Variants in PTCHD4 observed in about 807,000 individuals in gnomAD.
PTCHD4 encodes patched domain containing 4.
A neutral mutation model predicts 58.1 loss-of-function variants in PTCHD4; 33 were observed. The ratio of observed to expected loss-of-function variants is 0.57; its 90% CI spans 0.43 to 0.76. The LOEUF (loss-of-function observed/expected upper bound fraction) is 0.76. PTCHD4 is among the 30% of genes least tolerant of loss of function. PTCHD4 has a pLI of 0.00. For synonymous variants in PTCHD4, 478 were observed against 409.6 expected (o/e 1.17, Z -2.02); for missense variants, 1,058 against 1,027.1 (o/e 1.03, Z -0.41).
At chr6:47,954,927 C>T (rs1435592637) in intron 4 of PTCHD4, among the ~76,000 whole-genome samples, 1 of 152,120 alleles carries the variant, frequency 6.6e-6, no homozygotes, top group Non-Finnish European at 1.5e-5. Context: ...GGACCAGCCA[C>T]CATGTTGTGA....
At chr6:48,029,806 T>C (rs530347323) in intron 3 of PTCHD4, among the ~76,000 whole-genome samples, 2 of 152,088 alleles carry the variant, frequency 1.3e-5, no homozygotes, top group Non-Finnish European at 2.9e-5. Context: ...TACTTGAAAA[T>C]GATGCATAAA....
chr6:47,952,933 CAT>C (rs1407460045), intron 4 of PTCHD4, among the ~76,000 whole-genome samples: 2 of 151,760 alleles, frequency 1.3e-5, no homozygotes, highest in African/African-American at 2.4e-5. Context: ...AAATATATCA[CAT>C]ATATATGCAG....
Position 48,057,199 on chromosome 6 carries a change from G to GT in PTCHD4, c.417+11030dup, listed in dbSNP as rs952095381. On this transcript the variant is annotated intron_variant, in intron 3 of 4. Transcript: ENST00000339488. ...TTTTTTGTTTTTTTTTGTTTTTTTT[G>GT]TTTTTTTTTTCTGAGCCCAAAGCTG... Among the ~76,000 whole-genome samples, 775 of 140,626 alleles carry GT rather than the reference G, an allele frequency of 5.5e-3. 5 individuals carry two copies. Among genetic ancestry groups the GT allele is most frequent in the African/African-American group, 0.016 (631 of 38,488 alleles). The allele number at this position is 140,626 out of a possible 152,430, so 92.3% of individuals were successfully genotyped here. A position where few individuals can be genotyped will look rare whatever the true frequency, so the allele number is the denominator to read the frequency against.
chr6:47,997,093 C>G (rs1768522961), intron 4 of PTCHD4, among the ~76,000 whole-genome samples: 1 of 152,070 alleles, frequency 6.6e-6, no homozygotes, highest in Non-Finnish European at 1.5e-5. Context: ...AGAATGAAGC[C>G]ATCAATTTAC....
intron 4 of PTCHD4, among the ~76,000 whole-genome samples, chr6:47,956,442 A>AT (rs933564852): frequency 7.7e-4 from 115 of 148,984 alleles, no homozygotes; most frequent in African/African-American, 6.9e-4. Context: ...TTTTATTTTT[A>AT]TTTTTTTTTG....
At chr6:47,998,915 A>C (rs1768605952) in intron 4 of PTCHD4, among the ~76,000 whole-genome samples, 1 of 152,234 alleles carries the variant, frequency 6.6e-6, no homozygotes, top group Non-Finnish European at 1.5e-5. Context: ...GCACATTAAA[A>C]TATCTAAGCT....
At chr6:48,010,987 A>C (rs1224988477) in intron 3 of PTCHD4, among the ~76,000 whole-genome samples, 1 of 152,184 alleles carries the variant, frequency 6.6e-6, no homozygotes, top group Non-Finnish European at 1.5e-5. Context: ...ATGGATAGGC[A>C]TTTAGGTTGG....
At chr6:47,897,146 C>G (rs1298436737) in intron 4 of PTCHD4, among the ~76,000 whole-genome samples, 1 of 152,144 alleles carries the variant, frequency 6.6e-6, no homozygotes, top group Non-Finnish European at 1.5e-5. Flanking sequence ...GACCCCTACT[C>G]CACTTTCATT....
chr6:47,918,050 A>G (rs1371513650), intron 4 of PTCHD4, among the ~76,000 whole-genome samples: 5 of 152,102 alleles, frequency 3.3e-5, no homozygotes, highest in African/African-American at 1.2e-4. Context: ...GCTTCTAAGT[A>G]CGTGTTTTCT....
intron 1 of PTCHD4, among the ~76,000 whole-genome samples, chr6:48,081,224 G>A (rs958197900): frequency 1.3e-5 from 2 of 152,176 alleles, no homozygotes; most frequent in East Asian, 3.9e-4. Flanking sequence ...GATGTAATTT[G>A]GTGATAGATT....
intron 3 of PTCHD4, among the ~76,000 whole-genome samples, chr6:48,025,457 T>G (rs776170585): frequency 6.6e-6 from 1 of 152,196 alleles, no homozygotes. Context: ...TCTCCCTTAT[T>G]GCAACACAGA....
intron 4 of PTCHD4, among the ~76,000 whole-genome samples, chr6:47,881,344 T>C (rs1337548535): frequency 6.6e-6 from 1 of 152,204 alleles, no homozygotes; most frequent in Non-Finnish European, 1.5e-5. Flanking sequence ...TGTACATACT[T>C]GAAAATATTA....
At chr6:48,077,518 A>T (rs1765082777) in intron 1 of PTCHD4, among the ~76,000 whole-genome samples, 1 of 152,196 alleles carries the variant, frequency 6.6e-6, no homozygotes, top group Admixed American at 6.5e-5. Flanking sequence ...CAACCTCATG[A>T]AACAACCTCT....
intron 1 of PTCHD4, among the ~76,000 whole-genome samples, chr6:48,104,642 A>G (rs1057431965): frequency 6.6e-6 from 1 of 152,238 alleles, no homozygotes; most frequent in Non-Finnish European, 1.5e-5. Context: ...CTCCAATTAA[A>G]AGGCACAGAT....
At chr6:47,967,001 T>A (rs1161993658) in intron 4 of PTCHD4, among the ~76,000 whole-genome samples, 2 of 152,194 alleles carry the variant, frequency 1.3e-5, no homozygotes, top group African/African-American at 4.8e-5. Flanking sequence ...TCATGGATGA[T>A]TGTAATGGCA....
At chr6:47,896,060 C>T (rs1217773138) in intron 4 of PTCHD4, among the ~76,000 whole-genome samples, 3 of 152,150 alleles carry the variant, frequency 2.0e-5, no homozygotes, top group African/African-American at 7.2e-5. Flanking sequence ...ACTTGTTAAG[C>T]TCAAAAGCAG....
rs1315456921 is a variant in PTCHD4 at position 47,869,011 on chromosome 6, C to T, written c.*9292G>A. On this transcript the variant is annotated 3_prime_UTR_variant, in exon 5 of 5. Transcript: ENST00000339488. ...AGACTTCTTTGGTCTCCTCATCATA[C>T]GTCAATAATGAGGAGAGCTTTGCAA... Among the ~76,000 whole-genome samples, 1 of 151,510 alleles carries T rather than the reference C, an allele frequency of 6.6e-6. No homozygotes were observed. Among genetic ancestry groups the T allele is most frequent in the Admixed American group, 6.6e-5 (1 of 15,190 alleles).
intron 4 of PTCHD4, among the ~76,000 whole-genome samples, chr6:47,998,427 A>G (rs1331472075): frequency 6.6e-6 from 1 of 152,184 alleles, no homozygotes; most frequent in East Asian, 1.9e-4. Context: ...CTAAACTAGC[A>G]TATCAGCTAC....
At chr6:47,969,413 G>T (rs115619680) in intron 4 of PTCHD4, among the ~76,000 whole-genome samples, 1 of 152,286 alleles carries the variant, frequency 6.6e-6, no homozygotes, top group Non-Finnish European at 1.5e-5. Flanking sequence ...AGCAGGCATC[G>T]CCTGAGAAAA....
Sources: allele counts gnomAD v4.1 joint callset (sites outside exome capture counted in the v4.1 genomes callset), GRCh38; gene constraint gnomAD v4.1.1; transcripts MANE v1.5; gene names NCBI Gene and HGNC (gene_info 2026-07-23, HGNC 2026-07-21).